Variants in STON1 observed in about 807,000 individuals in gnomAD.
STON1 encodes the protein stonin 1, also known as stonin-1.
Under a neutral mutation model 60.9 loss-of-function variants are expected in STON1, and 79 were observed. That is an observed-to-expected ratio of 1.30 (90% CI 1.08 to 1.56). STON1 has a LOEUF of 1.56. STON1 is among the 40% of genes most tolerant of loss of function. The pLI is 0.00. For synonymous variants in STON1, 363 were observed against 306.9 expected, an observed-to-expected ratio of 1.18 and a Z score of -1.91; for missense variants, 1,166 against 858.9, an observed-to-expected ratio of 1.36 and a Z score of -4.47.
chr2:48,542,529 T>G (rs1043990471), intron 1 of STON1, among the ~76,000 whole-genome samples: 5 of 152,266 alleles, frequency 3.3e-5, no homozygotes, highest in African/African-American at 1.2e-4. Context: ...ATAAGCATTA[T>G]GTTAATGCTC....
intron 1 of STON1, among the ~76,000 whole-genome samples, chr2:48,554,622 A>T (rs1277106768): frequency 6.6e-6 from 1 of 152,144 alleles, no homozygotes. Flanking sequence ...GTAAATTTAC[A>T]TATAGGCTAA....
At chr2:48,551,286 G>T (rs1323839342) in intron 1 of STON1, among the ~76,000 whole-genome samples, 4 of 152,162 alleles carry the variant, frequency 2.6e-5, no homozygotes, top group Non-Finnish European at 4.4e-5. Flanking sequence ...TGAGAGGCTT[G>T]GGGACATAGT....
chr2:48,559,034 A>G (rs1414386224), intron 1 of STON1, among the ~76,000 whole-genome samples: 2 of 133,516 alleles, frequency 1.5e-5, no homozygotes, highest in Admixed American at 1.5e-4. Flanking sequence ...CAGATTAGGG[A>G]TGCTGAGCTG....
intron 1 of STON1, among the ~76,000 whole-genome samples, chr2:48,573,268 C>T (rs1673310566): frequency 6.6e-6 from 1 of 152,160 alleles, no homozygotes. Flanking sequence ...GAGGCTGAGG[C>T]AGGAGGATCA....
At chr2:48,542,995 GAT>G (rs1442381781) in intron 1 of STON1, among the ~76,000 whole-genome samples, 1 of 127,112 alleles carries the variant, frequency 7.9e-6, no homozygotes, top group Non-Finnish European at 1.6e-5. Flanking sequence ...TTTTTTTTGA[GAT>G]AGAGTCTCAC....
At chr2:48,551,125 A>T (rs934789316) in intron 1 of STON1, among the ~76,000 whole-genome samples, 2 of 152,168 alleles carry the variant, frequency 1.3e-5, no homozygotes, top group African/African-American at 4.8e-5. Flanking sequence ...CCAATCAAGA[A>T]CAACTTCTTC....
At chr2:48,586,589 G>A (rs769405305) in intron 2 of STON1, among the ~76,000 whole-genome samples, 29 of 152,334 alleles carry the variant, frequency 1.9e-4, no homozygotes, top group Middle Eastern at 3.4e-3. Flanking sequence ...AGAACCACAG[G>A]TGTGTGGGTG....
intron 1 of STON1, among the ~76,000 whole-genome samples, chr2:48,569,668 A>T (rs1045656594): frequency 6.6e-6 from 1 of 152,186 alleles, no homozygotes; most frequent in Non-Finnish European, 1.5e-5. Context: ...GGCTTGAAAG[A>T]TTTTATCTTC....
At chr2:48,584,535 TG>T (rs930153884) in intron 2 of STON1, among the ~76,000 whole-genome samples, 2 of 152,034 alleles carry the variant, frequency 1.3e-5, no homozygotes, top group African/African-American at 4.8e-5. Flanking sequence ...CCCAAAGTGT[TG>T]GGATTACAGG....
intron 2 of STON1, among the ~76,000 whole-genome samples, chr2:48,584,424 C>A (rs143231344): frequency 6.6e-6 from 1 of 151,964 alleles, no homozygotes; most frequent in Non-Finnish European, 1.5e-5. Flanking sequence ...TGAGCCACCA[C>A]GCCTGGCTAG....
chr2:48,561,920 G>C (rs573359599), intron 1 of STON1, among the ~76,000 whole-genome samples: 3 of 152,130 alleles, frequency 2.0e-5, no homozygotes, highest in Admixed American at 2.0e-4. Context: ...GAGTGCAGTG[G>C]TGCAATCTCA....
rs540312014 is a variant in STON1, at chr2:48,536,547, TAAAA to T, written c.-48+6352_-48+6355del. ...TGGGTGACAGAGTGAGATGCCATCT[TAAAA>T]AAAAAAAAAAAAAAAAAAAAGTTAG... On this transcript the variant is annotated intron_variant, in intron 1 of 3. Transcript: ENST00000404752. Among the ~76,000 whole-genome samples, 140 of 102,892 alleles carry T rather than the reference TAAAA, an allele frequency of 1.4e-3. 1 individual carries two copies. The East Asian group carries it at 0.023, about 17-fold the overall frequency. 67.5% of individuals were successfully genotyped at this position (102,892 alleles called of 152,430 possible). A position where few individuals can be genotyped will look rare whatever the true frequency, so the allele number is the denominator to read the frequency against.
In STON1 at chr2:48,553,082, C is replaced by T. The variant is rs190179446; in HGVS notation, c.-48+22866C>T. 4.6e-5 allele frequency among the ~76,000 whole-genome samples: 7 copies of T among 152,152 alleles called. No individual in the cohort carries two copies. The East Asian group carries it at 9.7e-4, about 21-fold the overall frequency. ...ATCTCAGACTCTGACAAGTCAGAAA[C>T]GGAAGCTTCTGGGTCATTTCAGGGG... On this transcript the variant is annotated intron_variant, in intron 1 of 3. Transcript: ENST00000404752.
rs184866276 is a variant in STON1, at chr2:48,592,817, G to C, written c.2133+962G>C. On this transcript the variant is annotated intron_variant, in intron 3 of 3. Transcript: ENST00000404752. The stretch of plus-strand genomic sequence containing the variant: ...TTAAATAGAGATGGGATCTCACTAT[G>C]TTGGTCAGGCTGGTCTCAAATTCCT... 3.2e-3 allele frequency among the ~76,000 whole-genome samples: 485 copies of C among 152,068 alleles called. 1 individual carries two copies. The highest frequency in any genetic ancestry group is 0.011 in the African/African-American group (450 of 41,474).
At chr2:48,563,892 G>A (rs967257948) in intron 1 of STON1, among the ~76,000 whole-genome samples, 1 of 151,242 alleles carries the variant, frequency 6.6e-6, no homozygotes, top group African/African-American at 2.4e-5. Context: ...TGGAGATGAG[G>A]TCTCACTATG....
intron 1 of STON1, among the ~76,000 whole-genome samples, chr2:48,534,573 C>T (rs1671349136): frequency 6.6e-6 from 1 of 152,126 alleles, no homozygotes; most frequent in South Asian, 2.1e-4. Context: ...AATCTCAGCA[C>T]TTTGGGAGGC....
chr2:48,558,984 A>G (rs144431734), intron 1 of STON1, among the ~76,000 whole-genome samples: 136 of 152,314 alleles, frequency 8.9e-4, no homozygotes, highest in African/African-American at 3.1e-3. Context: ...CCTGAGGCTG[A>G]AAGGAAATAC....
intron 1 of STON1, among the ~76,000 whole-genome samples, chr2:48,546,175 C>T (rs1437577839): frequency 6.6e-6 from 1 of 152,150 alleles, no homozygotes; most frequent in Non-Finnish European, 1.5e-5. Flanking sequence ...TCTGATTTGA[C>T]CCTGTTTATT....
intron 2 of STON1, among the ~76,000 whole-genome samples, chr2:48,584,837 G>A (rs1388893614): frequency 6.6e-6 from 1 of 152,088 alleles, no homozygotes; most frequent in African/African-American, 2.4e-5. Context: ...GGAGGCCATG[G>A]GACCACCTTG....
Sources: gnomAD v4.1 joint callset for allele counts (sites outside exome capture counted in the v4.1 genomes callset) on GRCh38, gnomAD v4.1.1 for gene constraint, MANE v1.5 for transcripts, NCBI Gene and HGNC (gene_info 2026-07-23, HGNC 2026-07-21) for gene names.